The following CHSY3 variants were observed in gnomAD, a reference collection of about 807,000 sequenced individuals.
CHSY3 encodes the protein N-acetylgalactosaminyl-proteoglycan 3-beta-glucuronosyltransferase 3.
CHSY3 carries 35 observed loss-of-function variants against 67.2 expected under a neutral mutation model. The ratio of observed to expected loss-of-function variants is 0.52; its 90% CI spans 0.40 to 0.69. The LOEUF is 0.69. Ranked by LOEUF, CHSY3 falls within the 30% of genes least tolerant of loss-of-function variation. The pLI is 0.00. For missense variants in CHSY3, 1,069 were observed against 1,138.5 expected (o/e 0.94, Z 0.88); for synonymous variants, 474 against 434.7 (o/e 1.09, Z -1.12).
At chr5:129,983,198 T>C (rs1435619097) in intron 2 of CHSY3, among the ~76,000 whole-genome samples, 1 of 152,086 alleles carries the variant, frequency 6.6e-6, no homozygotes, top group East Asian at 1.9e-4. Context: ...TCACCTCTCT[T>C]CTCTTCATTT....
At chr5:130,062,239 C>T (rs1580696768) in intron 2 of CHSY3, among the ~76,000 whole-genome samples, 1 of 152,138 alleles carries the variant, frequency 6.6e-6, no homozygotes, top group Non-Finnish European at 1.5e-5. Flanking sequence ...AAATAATTCC[C>T]TTTGCAGCAA....
intron 2 of CHSY3, among the ~76,000 whole-genome samples, chr5:130,160,766 A>G (rs1769507496): frequency 6.6e-6 from 1 of 152,180 alleles, no homozygotes; most frequent in Non-Finnish European, 1.5e-5. Flanking sequence ...ATGAGGGTTC[A>G]GTGGAGGATG....
At chr5:130,036,638 G>C (rs1053144325) in intron 2 of CHSY3, among the ~76,000 whole-genome samples, 2 of 152,136 alleles carry the variant, frequency 1.3e-5, no homozygotes, top group African/African-American at 4.8e-5. Flanking sequence ...TCCTAGTCCT[G>C]CCAGGCTCCA....
At chr5:130,179,224 G>T (rs1192735365) in intron 2 of CHSY3, among the ~76,000 whole-genome samples, 1 of 152,070 alleles carries the variant, frequency 6.6e-6, no homozygotes, top group Non-Finnish European at 1.5e-5. Flanking sequence ...AACATTCCGG[G>T]TTGATTTTAT....
rs1036536746 is a variant in CHSY3 at position 130,109,170 on chromosome 5, G to A, written c.1087-75059G>A. 5.4e-4 allele frequency among the ~76,000 whole-genome samples: 82 copies of A among 151,726 alleles called. 2 individuals are homozygous for A. The highest frequency in any genetic ancestry group is 1.6e-3 in the Admixed American group (24 of 15,196). ...TAAAGGTCCAAGAAACTTTAAAACCGTTAATATATTCTTATGCAAATAGGG... is the reference window on the plus strand; with the variant it reads ...TAAAGGTCCAAGAAACTTTAAAACCATTAATATATTCTTATGCAAATAGGG... On this transcript the variant is annotated intron_variant, in intron 2 of 2. Transcript: ENST00000305031.
intron 2 of CHSY3, among the ~76,000 whole-genome samples, chr5:130,008,475 CA>C (rs1763949216): frequency 6.6e-6 from 1 of 152,124 alleles, no homozygotes; most frequent in African/African-American, 2.4e-5. Flanking sequence ...AAGCTTCATC[CA>C]AAGGACAGCA....
intron 2 of CHSY3, among the ~76,000 whole-genome samples, chr5:129,931,034 G>A (rs1234653826): frequency 6.6e-6 from 1 of 152,010 alleles, no homozygotes; most frequent in East Asian, 1.9e-4. Context: ...TATAGTAACA[G>A]TTGTAAGGTC....
chr5:129,970,661 G>C (rs1195836891), intron 2 of CHSY3, among the ~76,000 whole-genome samples: 2 of 151,830 alleles, frequency 1.3e-5, no homozygotes, highest in Non-Finnish European at 2.9e-5. Flanking sequence ...TTACACTGTT[G>C]TGTTTAATTT....
At chr5:129,942,527 G>T (rs994098749) in intron 2 of CHSY3, among the ~76,000 whole-genome samples, 1 of 152,064 alleles carries the variant, frequency 6.6e-6, no homozygotes, top group African/African-American at 2.4e-5. Context: ...AGATTAGCTA[G>T]AATGAAAGAA....
At chr5:129,973,608 A>G (rs1561480044) in intron 2 of CHSY3, among the ~76,000 whole-genome samples, 2 of 152,068 alleles carry the variant, frequency 1.3e-5, no homozygotes, top group Non-Finnish European at 2.9e-5. Flanking sequence ...ACAAATTTGC[A>G]GTAGTCTATA....
At chr5:130,057,669 G>A (rs1765578597) in intron 2 of CHSY3, among the ~76,000 whole-genome samples, 1 of 152,076 alleles carries the variant, frequency 6.6e-6, no homozygotes, top group African/African-American at 2.4e-5. Flanking sequence ...AGTATAAAAG[G>A]ACTAATGATG....
intron 2 of CHSY3, among the ~76,000 whole-genome samples, chr5:130,033,771 G>T (rs1030734626): frequency 7.6e-4 from 81 of 106,198 alleles, no homozygotes; most frequent in African/African-American, 2.4e-3. Context: ...CTTTATATTT[G>T]CTTTAAAAAA....
chr5:130,152,221 A>G (rs1021233379), intron 2 of CHSY3, among the ~76,000 whole-genome samples: 1 of 152,246 alleles, frequency 6.6e-6, no homozygotes, highest in Non-Finnish European at 1.5e-5. Flanking sequence ...ACTATAAGGA[A>G]AAAATAATAG....
intron 2 of CHSY3, among the ~76,000 whole-genome samples, chr5:129,915,703 G>C (rs1000177966): frequency 1.3e-5 from 2 of 152,024 alleles, no homozygotes; most frequent in African/African-American, 4.8e-5. Flanking sequence ...AAAAGTGGTG[G>C]TTTAAAGAAA....
At chr5:130,044,011 G>T (rs527303153) in intron 2 of CHSY3, among the ~76,000 whole-genome samples, 1 of 152,100 alleles carries the variant, frequency 6.6e-6, no homozygotes, top group African/African-American at 2.4e-5. Flanking sequence ...CAGGCACACA[G>T]CCGAATGGAG....
chr5:130,152,158 A>G (rs900696789), intron 2 of CHSY3, among the ~76,000 whole-genome samples: 1 of 152,228 alleles, frequency 6.6e-6, no homozygotes, highest in Non-Finnish European at 1.5e-5. Flanking sequence ...CCCCAGCTGC[A>G]TCTTCACATG....
At chr5:129,979,199 C>CAAAAAAAAAA (rs58584381) in intron 2 of CHSY3, among the ~76,000 whole-genome samples, 16 of 62,510 alleles carry the variant, frequency 2.6e-4, no homozygotes, top group Middle Eastern at 0.015. Context: ...GACTCCGTCT[C>CAAAAAAAAAA]AAAAAAAAAA....
chr5:129,967,544 T>C (rs956240998), intron 2 of CHSY3, among the ~76,000 whole-genome samples: 35 of 151,760 alleles, frequency 2.3e-4, no homozygotes, highest in African/African-American at 8.2e-4. Context: ...CTGAAAACCC[T>C]CCTAATTATC....
intron 2 of CHSY3, among the ~76,000 whole-genome samples, chr5:130,105,109 T>C (rs1767373468): frequency 6.6e-6 from 1 of 151,576 alleles, no homozygotes. Context: ...AATATGGTGA[T>C]TAATTGGAGG....
Sources: gnomAD v4.1 joint callset for allele counts (sites outside exome capture counted in the v4.1 genomes callset) on GRCh38, gnomAD v4.1.1 for gene constraint, MANE v1.5 for transcripts, NCBI Gene and HGNC (gene_info 2026-07-23, HGNC 2026-07-21) for gene names.